Variants in TRMT61B observed in about 807,000 individuals in gnomAD.
TRMT61B encodes tRNA methyltransferase 61B.
A neutral mutation model predicts 52.0 loss-of-function variants in TRMT61B; 56 were observed. The observed-to-expected ratio is 1.08, with a 90% CI of 0.87 to 1.35. The LOEUF is 1.35. Among genes scored for constraint, TRMT61B ranks in the 40% most tolerant of loss-of-function variants. TRMT61B has a pLI of 0.00. For missense variants in TRMT61B, 650 were observed against 577.9 expected, an observed-to-expected ratio of 1.12 and a Z score of -1.28; for synonymous variants, 206 against 220.0, an observed-to-expected ratio of 0.94 and a Z score of 0.56.
chr2:28,860,336 A>G (rs2148136760), intron 3 of TRMT61B, among the ~76,000 whole-genome samples: 1 of 132,654 alleles, frequency 7.5e-6, no homozygotes, highest in South Asian at 2.6e-4. Context: ...ACTTTGCTTC[A>G]TTTCTCACCA....
At chr2:28,850,547 C>T (rs1669042247) in intron 5 of TRMT61B, 142 bp from the exon 6 acceptor site, 3 of 592,052 alleles carry the variant, frequency 5.1e-6, no homozygotes, top group African/African-American at 1.9e-5. Context: ...AGCTACTCTG[C>T]CAGTTATTAT....
At chr2:28,860,433 T>A (rs765541828) in intron 3 of TRMT61B, among the ~76,000 whole-genome samples, 2 of 152,128 alleles carry the variant, frequency 1.3e-5, no homozygotes, top group Non-Finnish European at 2.9e-5. Flanking sequence ...AGCTATGAAC[T>A]GTGAAGTGGC....
At chr2:28,862,162 GC>G (rs553314983) in intron 2 of TRMT61B, among the ~76,000 whole-genome samples, 135 of 131,732 alleles carry the variant, frequency 1.0e-3, no homozygotes, top group Admixed American at 0.01. Flanking sequence ...GCCAAGATGC[GC>G]CACTGCACTC....
At chr2:28,866,852 G>T (rs1450371454) in intron 1 of TRMT61B, among the ~76,000 whole-genome samples, 1 of 152,106 alleles carries the variant, frequency 6.6e-6, no homozygotes, top group Non-Finnish European at 1.5e-5. Context: ...CTGGAGTGTA[G>T]TAGTGCAATA....
At chr2:28,852,226 T>C (rs1013708644) in intron 4 of TRMT61B, among the ~76,000 whole-genome samples, 182 bp downstream of exon 4, 5 of 142,538 alleles carry the variant, frequency 3.5e-5, no homozygotes, top group African/African-American at 2.6e-5. Flanking sequence ...GGCAGGATAA[T>C]TGCTTGAACA....
chr2:28,864,938 A>G, intron 2 of TRMT61B, 79 bp downstream of exon 2: 1 of 839,904 alleles, frequency 1.2e-6, no homozygotes. Flanking sequence ...TTTCCCAAAT[A>G]TCTTTATACC....
intron 4 of TRMT61B, among the ~76,000 whole-genome samples, chr2:28,851,811 G>A (rs1409467950): frequency 6.1e-5 from 9 of 148,202 alleles, no homozygotes; most frequent in Non-Finnish European, 8.9e-5. Context: ...CCCAGGAGGC[G>A]GAGGTTGCAG....
chr2:28,851,878 C>CAAAAAA (rs1162566474), intron 4 of TRMT61B, among the ~76,000 whole-genome samples: 1 of 18,258 alleles, frequency 5.5e-5, no homozygotes, highest in African/African-American at 2.1e-4. Context: ...GACTCTGTCT[C>CAAAAAA]AAAAAAAAAA....
intron 3 of TRMT61B, among the ~76,000 whole-genome samples, chr2:28,854,725 C>A (rs1444767480): frequency 8.2e-5 from 10 of 122,352 alleles, no homozygotes; most frequent in African/African-American, 2.9e-4. Context: ...GGCGACAGAG[C>A]GAGACTCCGT....
intron 1 of TRMT61B, among the ~76,000 whole-genome samples, chr2:28,868,721 G>A (rs186116548): frequency 9.2e-5 from 14 of 152,332 alleles, no homozygotes; most frequent in Non-Finnish European, 1.6e-4. Context: ...ATTAGCATAA[G>A]CTTCAAACTA....
chr2:28,866,621 C>T (rs1016985285), intron 1 of TRMT61B, among the ~76,000 whole-genome samples: 1 of 152,064 alleles, frequency 6.6e-6, no homozygotes, highest in East Asian at 1.9e-4. Flanking sequence ...TTCCCTGTTA[C>T]AGGCCACACA....
At chr2:28,862,668 T>C (rs1287715591) in intron 2 of TRMT61B, among the ~76,000 whole-genome samples, 1 of 151,746 alleles carries the variant, frequency 6.6e-6, no homozygotes, top group African/African-American at 2.4e-5. Context: ...TCTTTTATTA[T>C]GGATGAGGTT....
intron 1 of TRMT61B, among the ~76,000 whole-genome samples, chr2:28,868,804 C>T (rs770295007): frequency 1.3e-5 from 2 of 152,174 alleles, no homozygotes; most frequent in Admixed American, 1.3e-4. Flanking sequence ...CTTGAGGCCA[C>T]GAGTTGAAGA....
chr2:28,861,586 C>T, intron 2 of TRMT61B: 1 of 336,170 alleles, frequency 3.0e-6, no homozygotes, highest in Admixed American at 4.7e-5. Flanking sequence ...GTGTATTATA[C>T]ACACTGTCCT....
chr2:28,861,335 C>T, intron 2 of TRMT61B, 27 bp from the exon 3 acceptor site: 1 of 1,516,718 alleles, frequency 6.6e-7, no homozygotes, highest in Non-Finnish European at 8.9e-7. Flanking sequence ...TTTGATATTT[C>T]ATAATATTAA....
chr2:28,852,699 C>T (rs1330074117), intron 3 of TRMT61B, among the ~76,000 whole-genome samples, 200 bp from the exon 4 acceptor site: 1 of 151,988 alleles, frequency 6.6e-6, no homozygotes, highest in African/African-American at 2.4e-5. Context: ...TGGCTTCTGC[C>T]TGTAATCCCA....
At chr2:28,855,562 G>A (rs1226570035) in intron 3 of TRMT61B, among the ~76,000 whole-genome samples, 2 of 152,152 alleles carry the variant, frequency 1.3e-5, no homozygotes, top group Admixed American at 6.5e-5. Flanking sequence ...CTAAGCCACC[G>A]AAAGAATGGA....
intron 2 of TRMT61B, 87 bp downstream of exon 2, chr2:28,864,930 T>C (rs1366123217): frequency 2.6e-6 from 2 of 768,110 alleles, no homozygotes; most frequent in East Asian, 5.4e-5. Flanking sequence ...TTAGGTATTT[T>C]CCCAAATATC....
Position 28,852,603 on chromosome 2 carries a change from T to C in TRMT61B, c.994-104A>G, listed in dbSNP as rs191845330. The C allele has an allele frequency of 1.5e-3, 1,080 of 715,798 alleles. 3 individuals carry two copies. Among genetic ancestry groups the C allele is most frequent in the Non-Finnish European group, 2.2e-3 (921 of 421,024 alleles). 44.3% of individuals were successfully genotyped at this position (715,798 alleles called of 1,614,324 possible). A position where few individuals can be genotyped will look rare whatever the true frequency, so the allele number is the denominator to read the frequency against. Reference sequence around the variant, plus strand: ...ACACACTTTTGGACAGCAATCAAAGTATTTCATTTTTTAGAAGGTAGTATT... The same window carrying C: ...ACACACTTTTGGACAGCAATCAAAGCATTTCATTTTTTAGAAGGTAGTATT... On this transcript the variant is annotated intron_variant, in intron 3 of 6. Transcript: ENST00000306108.
Sources: gnomAD v4.1 joint callset for allele counts (sites outside exome capture counted in the v4.1 genomes callset) on GRCh38, gnomAD v4.1.1 for gene constraint, MANE v1.5 for transcripts, NCBI Gene and HGNC (gene_info 2026-07-23, HGNC 2026-07-21) for gene names.